Variants in MAP7D1 observed in about 807,000 individuals in gnomAD.
The protein encoded by MAP7D1 is MAP7 domain-containing protein 1.
MAP7D1 carries 30 observed loss-of-function variants against 97.5 expected under a neutral mutation model. That is an observed-to-expected ratio of 0.31 (90% confidence interval 0.23 to 0.42). The LOEUF (loss-of-function observed/expected upper bound fraction) is 0.42, where lower values mean the gene tolerates loss of function less well. Among genes scored for constraint, MAP7D1 ranks in the 10% least tolerant of loss-of-function variants. The pLI, the probability that MAP7D1 is intolerant of heterozygous loss-of-function variation, is 1.00. For missense variants in MAP7D1, 1,184 were observed against 1,179.5 expected (o/e 1.00, Z -0.06); for synonymous variants, 536 against 477.1 (o/e 1.12, Z -1.61).
At chr1:36,172,371 T>C in intron 3 of MAP7D1, 93 bp from the exon 4 acceptor site, 1 of 1,282,628 alleles carries the variant, frequency 7.8e-7, no homozygotes, top group Non-Finnish European at 1.0e-6. Context: ...ACCCAGGGCA[T>C]GGGTAGCAGG....
intron 8 of MAP7D1, among the ~76,000 whole-genome samples, 198 bp downstream of exon 8, chr1:36,177,040 TC>T (rs1430784861): frequency 6.6e-6 from 1 of 152,090 alleles, no homozygotes. Context: ...AGCCTTGACC[TC>T]CCAGGCTCAG....
rs375995035 is a variant in MAP7D1 at position 36,176,849 on chromosome 1, G to A, written c.1379+7G>A. ...GCACCGCCTCTGAGCTCAGGTGGGCGCGGGCGGTGCGAGGGACCCTGCCCC... is the reference window on the plus strand; with the variant it reads ...GCACCGCCTCTGAGCTCAGGTGGGCACGGGCGGTGCGAGGGACCCTGCCCC... On this transcript the variant is annotated splice_region_variant and intron_variant, in intron 8 of 16. Coordinates refer to ENST00000474796, the MANE Select transcript of MAP7D1 (RefSeq NM_001388490.1). The surrounding 1 kb of genome is among the most constrained non-coding windows in gnomAD (Gnocchi z 6.1). 3.3e-5 allele frequency: 52 copies of A among 1,583,372 alleles called. 2 individuals carry two copies. The South Asian group carries it at 4.3e-4, about 13-fold the overall frequency.
intron 1 of MAP7D1, 49 bp downstream of exon 1, chr1:36,156,512 G>T: frequency 7.3e-7 from 1 of 1,361,508 alleles, no homozygotes; most frequent in Non-Finnish European, 9.5e-7. Context: ...TGGAGGGGCT[G>T]CAGGGCGGCC....
At chr1:36,161,941 C>T (rs4653164) in intron 1 of MAP7D1, among the ~76,000 whole-genome samples, 84,584 of 151,278 alleles carry the variant, frequency 0.56, 25,117 homozygotes, top group Non-Finnish European at 0.68. Context: ...TCTTGTCTCT[C>T]GCCATTGTGC....
At chr1:36,161,990 G>A (rs1644419305) in intron 1 of MAP7D1, among the ~76,000 whole-genome samples, 1 of 152,010 alleles carries the variant, frequency 6.6e-6, no homozygotes, top group African/African-American at 2.4e-5. Flanking sequence ...TCTCTGTTGT[G>A]TGCACGTCTG....
Position 36,176,188 on chromosome 1 carries a change from T to A in MAP7D1, c.851-11T>A. 1 of 1,605,050 alleles carries A rather than the reference T, an allele frequency of 6.2e-7. No individual in the cohort carries two copies. The highest frequency in any genetic ancestry group is 8.5e-7 in the Non-Finnish European group (1 of 1,178,566). ...CACGGTGACCGGCTTCGCCTGGCCTTCTACCCCCAGATCGCAGCCTGCAGC... is the reference window on the plus strand; with the variant it reads ...CACGGTGACCGGCTTCGCCTGGCCTACTACCCCCAGATCGCAGCCTGCAGC... On this transcript the variant is annotated splice_polypyrimidine_tract_variant and intron_variant, in intron 6 of 16. Transcript: ENST00000474796. The surrounding 1 kb of genome is among the most constrained non-coding windows in gnomAD (Gnocchi z 6.1).
chr1:36,161,582 GA>G (rs1184753811), intron 1 of MAP7D1, among the ~76,000 whole-genome samples: 4 of 152,204 alleles, frequency 2.6e-5, no homozygotes, highest in Non-Finnish European at 5.9e-5. Flanking sequence ...ATGAACTAAT[GA>G]GTTTAATGTG....
intron 5 of MAP7D1, 32 bp from the exon 6 acceptor site, chr1:36,174,866 C>G: frequency 1.4e-6 from 2 of 1,417,946 alleles, no homozygotes; most frequent in Non-Finnish European, 2.0e-6. Flanking sequence ...CTGCCGGGCC[C>G]GGCCCTAATG....
intron 1 of MAP7D1, among the ~76,000 whole-genome samples, chr1:36,169,496 C>T (rs924201674): frequency 6.6e-6 from 1 of 151,052 alleles, no homozygotes; most frequent in South Asian, 2.1e-4. Context: ...GCGGAGCTTG[C>T]GGTGAGCCCA....
rs1360783538 is a variant in MAP7D1 at position 36,173,376 on chromosome 1, G to A, written c.637G>A (p.Ala213Thr). Reference sequence around the variant, plus strand: ...CACCTTCCCCCAGGAGCGCTATGAAGCAGCCATCCAACGGTCAGTGAAGAA... The same window carrying A: ...CACCTTCCCCCAGGAGCGCTATGAAACAGCCATCCAACGGTCAGTGAAGAA... The part of the protein sequence containing the change: ...KLEKNKERYE[A>T]AIQRSVKKTW... The change falls in exon 5 of 17, where the codon GCA (alanine) becomes ACA (threonine). Residue 213 changes from alanine to threonine, a missense_variant. Physicochemically the swap from Ala to Thr is moderately conservative, Grantham distance 58. Transcript: ENST00000474796. 3.7e-6 allele frequency: 6 copies of A among 1,613,738 alleles called. No individual in the cohort carries two copies. The highest frequency in any genetic ancestry group is 4.2e-6 in the Non-Finnish European group (5 of 1,179,776).
At chr1:36,162,562 TTCTC>T (rs1200902970) in intron 1 of MAP7D1, among the ~76,000 whole-genome samples, 1 of 152,226 alleles carries the variant, frequency 6.6e-6, no homozygotes, top group Non-Finnish European at 1.5e-5. Context: ...TCTGAGTAAA[TTCTC>T]TCACCTGTGA....
In MAP7D1 at chr1:36,176,276, C is replaced by T; in HGVS notation, c.928C>T (p.Arg310Trp). 6.2e-7 allele frequency: 1 copy of T among 1,603,920 alleles called. No homozygotes were observed. The highest frequency in any genetic ancestry group is 8.5e-7 in the Non-Finnish European group (1 of 1,177,220). The change falls in exon 7 of 17, where the codon CGG (arginine) becomes TGG (tryptophan). Residue 310 changes from arginine (R) to tryptophan (W), a missense_variant. Arg to Trp is a moderately radical substitution (Grantham distance 101). Coordinates refer to ENST00000474796, the MANE Select transcript of MAP7D1 (RefSeq NM_001388490.1). The surrounding 1 kb of genome is among the most constrained non-coding windows in gnomAD (Gnocchi z 6.1). ...LMTPTLSFLA[R>W]SRSAVTLPRN... ...GACGCCCACTCTCTCCTTCCTTGCT[C>T]GGAGTCGCAGCGCGGTCACACTGCC...
rs1297617099 is a variant in MAP7D1 at position 36,179,669 on chromosome 1, C to T, written c.2231C>T (p.Pro744Leu). The change falls in exon 15 of 17, where the codon CCT (proline) becomes CTT (leucine). Residue 744 changes from proline (P) to leucine (L), a missense_variant. Physicochemically the swap from Pro to Leu is moderately conservative, Grantham distance 98. Transcript: ENST00000474796. Reference sequence around the variant, plus strand: ...GGCCCCTCTTTCCCTGTGACAGAGCCTGTGAAAGCTGTGGAGGCTCGGTCC... The same window carrying T: ...GGCCCCTCTTTCCCTGTGACAGAGCTTGTGAAAGCTGTGGAGGCTCGGTCC... ...EANANGSSPE[P>L]VKAVEARSPG... 2.0e-6 allele frequency: 3 copies of T among 1,528,088 alleles called. No homozygotes were observed. Among genetic ancestry groups the T allele is most frequent in the South Asian group, 1.3e-5 (1 of 79,250 alleles). 94.7% of individuals were successfully genotyped at this position (1,528,088 alleles called of 1,614,324 possible). A position where few individuals can be genotyped will look rare whatever the true frequency, so the allele number is the denominator to read the frequency against.
chr1:36,161,395 G>A (rs975387540), intron 1 of MAP7D1, among the ~76,000 whole-genome samples: 4 of 152,218 alleles, frequency 2.6e-5, no homozygotes, highest in African/African-American at 7.2e-5. Flanking sequence ...GAACCCAGGA[G>A]GCTGTCCCCA....
chr1:36,160,111 T>C (rs1644388014), intron 1 of MAP7D1, among the ~76,000 whole-genome samples: 1 of 152,244 alleles, frequency 6.6e-6, no homozygotes, highest in Non-Finnish European at 1.5e-5. Flanking sequence ...TGACCCAGGC[T>C]GGAAGTTAGG....
chr1:36,164,753 C>T (rs185269642), intron 1 of MAP7D1, among the ~76,000 whole-genome samples: 26 of 152,268 alleles, frequency 1.7e-4, no homozygotes, highest in Non-Finnish European at 2.6e-4. Flanking sequence ...CAAAGAGCAC[C>T]GTGATCAGAT....
chr1:36,176,977 A>C lies in MAP7D1; in HGVS notation c.1379+135A>C. ...TTCTCTCTGTTTTGTTTGAGACAGG[A>C]TCTCCCTCTGTCACCCAGGCTGGAG... is the stretch of plus-strand genomic sequence containing the variant. On this transcript the variant is annotated intron_variant, in intron 8 of 16. Coordinates refer to ENST00000474796, the MANE Select transcript of MAP7D1 (RefSeq NM_001388490.1). The surrounding 1 kb of genome is among the most constrained non-coding windows in gnomAD (Gnocchi z 6.1). 1.2e-6 allele frequency: 1 copy of C among 804,174 alleles called. No individual in the cohort carries two copies. Among genetic ancestry groups the C allele is most frequent in the South Asian group, 1.7e-5 (1 of 57,590 alleles). 49.8% of individuals were successfully genotyped at this position (804,174 alleles called of 1,614,324 possible). A position where few individuals can be genotyped will look rare whatever the true frequency, so the allele number is the denominator to read the frequency against.
rs1416541934 is a variant in MAP7D1 at position 36,179,534 on chromosome 1, C to A, written c.2204C>A (p.Ala735Asp). The A allele has an allele frequency of 1.3e-6, 2 of 1,575,278 alleles. No individual in the cohort carries two copies. Among genetic ancestry groups the A allele is most frequent in the African/African-American group, 1.3e-5 (1 of 74,322 alleles). The change falls in exon 14 of 17, where the codon GCC (alanine) becomes GAC (aspartate). Residue 735 changes from alanine (A) to aspartate (D), a missense_variant. Transcript: ENST00000474796. The stretch of plus-strand genomic sequence containing the variant: ...AAGCAGAAGCAGGACAGCAAGGAGG[C>A]CAACGCCAACGGTTCCAGCCCAGGT... ...SETKKQDSKE[A>D]NANGSSPEPV...
chr1:36,156,294 T>G lies in MAP7D1; in HGVS notation c.-124T>G. ...CGACCTTCCCCGGAGCGCCCCCGCC[T>G]CCGAGTCGCTACTTGCCGGGCCGGG... On this transcript the variant is annotated 5_prime_UTR_variant, in exon 1 of 17. Coordinates refer to ENST00000474796, the MANE Select transcript of MAP7D1 (RefSeq NM_001388490.1). The G allele has an allele frequency of 2.7e-6, 2 of 749,740 alleles. No homozygotes were observed. The highest frequency in any genetic ancestry group is 3.8e-6 in the Non-Finnish European group (2 of 526,850). The allele number at this position is 749,740 out of a possible 1,614,324, so 46.4% of individuals were successfully genotyped here.
Sources: gnomAD v4.1 joint callset for allele counts (sites outside exome capture counted in the v4.1 genomes callset) on GRCh38, gnomAD v4.1.1 for gene constraint, Gnocchi (gnomAD v3.1) non-coding constraint, MANE v1.5 for transcripts, NCBI Gene and HGNC (gene_info 2026-07-23, HGNC 2026-07-21) for gene names.